Variants in PTPRD observed in about 807,000 individuals in gnomAD.
PTPRD encodes protein tyrosine phosphatase receptor type D.
In PTPRD, 34 loss-of-function variants were observed where a neutral mutation model predicts 214.5. The ratio of observed to expected loss-of-function variants is 0.16; its 90% CI spans 0.12 to 0.21. The LOEUF is 0.21. Ranked by LOEUF, PTPRD falls within the 10% of genes least tolerant of loss-of-function variation. The probability of loss-of-function intolerance (pLI) is 1.00; values close to 1 mark genes in which losing one functional copy is unlikely to be tolerated. For missense variants in PTPRD, 2,545 were observed against 2,398.7 expected, an observed-to-expected ratio of 1.06 and a Z score of -1.27; for synonymous variants, 1,128 against 845.7, an observed-to-expected ratio of 1.33 and a Z score of -5.79.
intron 2 of PTPRD, among the ~76,000 whole-genome samples, chr9:10,407,812 GT>G (rs1428359426): frequency 6.6e-6 from 1 of 151,372 alleles, no homozygotes; most frequent in Non-Finnish European, 1.5e-5. Context: ...GAAGGAAATT[GT>G]ATTTTGTTCC....
intron 7 of PTPRD, among the ~76,000 whole-genome samples, chr9:9,579,351 A>T (rs1301437639): frequency 6.6e-6 from 1 of 152,166 alleles, no homozygotes; most frequent in Non-Finnish European, 1.5e-5. Context: ...TGTATAAGTA[A>T]GAACACTGAC....
At chr9:10,251,943 T>C (rs2092810536) in intron 3 of PTPRD, among the ~76,000 whole-genome samples, 1 of 152,126 alleles carries the variant, frequency 6.6e-6, no homozygotes, top group Non-Finnish European at 1.5e-5. Context: ...TTAATAATAA[T>C]GTATTGTATA....
intron 7 of PTPRD, among the ~76,000 whole-genome samples, chr9:9,583,839 A>G (rs2091371503): frequency 6.6e-6 from 1 of 152,004 alleles, no homozygotes; most frequent in African/African-American, 2.4e-5. Context: ...ATCACTCCCT[A>G]TTCTGAAAAT....
intron 5 of PTPRD, among the ~76,000 whole-genome samples, chr9:9,850,994 C>T (rs1422566755): frequency 1.3e-5 from 2 of 152,126 alleles, no homozygotes; most frequent in African/African-American, 4.8e-5. Context: ...CCTTAGTTGC[C>T]ACCTGCTAGC....
Position 10,468,467 on chromosome 9 carries a change from C to T in PTPRD, c.-599-127450G>A, listed in dbSNP as rs77970977. Among the ~76,000 whole-genome samples, 29 of 151,852 alleles carry T rather than the reference C, an allele frequency of 1.9e-4. No individual in the cohort carries two copies. In the East Asian group the frequency reaches 4.7e-3, roughly 24 times the overall value. ...GTGAACAATGAGAACACATGGACACCGGGAGGGGAACATCACACACGGGCC... is the reference window on the plus strand; with the variant it reads ...GTGAACAATGAGAACACATGGACACTGGGAGGGGAACATCACACACGGGCC... On this transcript the variant is annotated intron_variant, in intron 2 of 45. Coordinates refer to ENST00000381196, the MANE Select transcript of PTPRD (RefSeq NM_002839.4).
intron 4 of PTPRD, among the ~76,000 whole-genome samples, chr9:9,946,555 C>A (rs562940393): frequency 1.1e-4 from 16 of 151,608 alleles, no homozygotes; most frequent in Non-Finnish European, 2.1e-4. Context: ...TGACTTTTTG[C>A]CTGGATCTTA....
At chr9:8,953,010 A>G (rs1404133849) in intron 11 of PTPRD, among the ~76,000 whole-genome samples, 1 of 152,004 alleles carries the variant, frequency 6.6e-6, no homozygotes, top group Non-Finnish European at 1.5e-5. Flanking sequence ...GTGGCTGTTT[A>G]TCTTGTTCCT....
intron 11 of PTPRD, among the ~76,000 whole-genome samples, chr9:8,761,911 T>C (rs916386207): frequency 6.6e-6 from 1 of 152,146 alleles, no homozygotes; most frequent in African/African-American, 2.4e-5. Context: ...CCCTAGCTTC[T>C]CTGGTGAGCT....
intron 9 of PTPRD, among the ~76,000 whole-genome samples, chr9:9,365,055 G>C (rs1596416326): frequency 1.3e-5 from 2 of 151,458 alleles, no homozygotes; most frequent in Non-Finnish European, 3.0e-5. Flanking sequence ...TCTTACCTGA[G>C]AAACTGGAAA....
chr9:9,899,998 T>G (rs1192167421), intron 5 of PTPRD, among the ~76,000 whole-genome samples: 2 of 151,940 alleles, frequency 1.3e-5, no homozygotes, highest in African/African-American at 4.8e-5. Flanking sequence ...GAAAGTAGAA[T>G]AATAGTTACC....
chr9:10,040,849 G>C (rs1204817592), intron 3 of PTPRD, among the ~76,000 whole-genome samples: 1 of 151,978 alleles, frequency 6.6e-6, no homozygotes, highest in East Asian at 1.9e-4. Flanking sequence ...TTCACACAAA[G>C]TGCAATATGT....
At chr9:8,991,058 TA>T (rs200708781) in intron 11 of PTPRD, among the ~76,000 whole-genome samples, 34 of 145,420 alleles carry the variant, frequency 2.3e-4, no homozygotes, top group African/African-American at 3.8e-4. Flanking sequence ...CTACCAAAAA[TA>T]AAAAAAAAAA....
In PTPRD at chr9:8,376,099, T is replaced by G. The variant is rs368877342; in HGVS notation, c.4507-9A>C. The G allele has an allele frequency of 1.2e-6, 2 of 1,611,330 alleles. No individual in the cohort carries two copies. On this transcript the variant is annotated splice_polypyrimidine_tract_variant and intron_variant, in intron 38 of 45. Transcript: ENST00000381196. ...TTCTCACTTGAACCATTCTGTGAAA[T>G]AGGAATATCAGCTGAAATTCTGTTT... is the stretch of plus-strand genomic sequence containing the variant.
At chr9:9,547,796 T>TCACACACA (rs35772205) in intron 8 of PTPRD, among the ~76,000 whole-genome samples, 12,060 of 142,360 alleles carry the variant, frequency 0.085, 583 homozygotes, top group African/African-American at 0.14. Context: ...AAACACAAAT[T>TCACACACA]CACACACACA....
intron 9 of PTPRD, among the ~76,000 whole-genome samples, chr9:9,348,817 C>T (rs1418346201): frequency 6.6e-6 from 1 of 152,104 alleles, no homozygotes; most frequent in Non-Finnish European, 1.5e-5. Context: ...AAGACCTCCA[C>T]TTGTCCTAAT....
chr9:9,201,052 A>G (rs2099941540), intron 9 of PTPRD, among the ~76,000 whole-genome samples: 1 of 152,224 alleles, frequency 6.6e-6, no homozygotes, highest in East Asian at 1.9e-4. Context: ...ATAAGAGAAA[A>G]GAATAGACAC....
At chr9:8,424,546 C>A (rs2094542132) in intron 35 of PTPRD, among the ~76,000 whole-genome samples, 1 of 152,126 alleles carries the variant, frequency 6.6e-6, no homozygotes. Flanking sequence ...TTTGCTATCA[C>A]CATCATCCTT....
chr9:8,951,320 C>CTTT (rs35028756), intron 11 of PTPRD, among the ~76,000 whole-genome samples: 3 of 128,400 alleles, frequency 2.3e-5, no homozygotes, highest in Non-Finnish European at 3.3e-5. Context: ...CTGGATCCTC[C>CTTT]TTTTTTTTTT....
At chr9:9,048,249 C>T (rs1266784232) in intron 10 of PTPRD, among the ~76,000 whole-genome samples, 1 of 152,056 alleles carries the variant, frequency 6.6e-6, no homozygotes. Flanking sequence ...TTGGAGGTTC[C>T]TCAAAAAACT....
Sources: gnomAD v4.1 joint callset for allele counts (sites outside exome capture counted in the v4.1 genomes callset) on GRCh38, gnomAD v4.1.1 for gene constraint, MANE v1.5 for transcripts, NCBI Gene and HGNC (gene_info 2026-07-23, HGNC 2026-07-21) for gene names.